SOX5: variants seen among roughly 807,000 people sequenced by gnomAD.
SOX5 encodes transcription factor SOX-5.
Under a neutral mutation model 92.0 loss-of-function variants are expected in SOX5, and 9 were observed. The ratio of observed to expected loss-of-function variants is 0.10; its 90% confidence interval spans 0.06 to 0.17. The LOEUF (loss-of-function observed/expected upper bound fraction) is 0.17. SOX5 is among the 10% of genes least tolerant of loss of function. The pLI, the probability that SOX5 is intolerant of heterozygous loss-of-function variation, is 1.00. For synonymous variants in SOX5, 344 were observed against 336.3 expected (o/e 1.02, Z -0.25); for missense variants, 642 against 944.5 (o/e 0.68, Z 4.20).
intron 6 of SOX5, among the ~76,000 whole-genome samples, chr12:23,723,576 A>G (rs1470503474): frequency 6.7e-6 from 1 of 149,550 alleles, no homozygotes. Context: ...TTATATATAT[A>G]TATATACACA....
rs116087848 is a variant in SOX5, at chr12:23,719,679, C to A, written c.810+15005G>T. 3.6e-3 allele frequency among the ~76,000 whole-genome samples: 544 copies of A among 150,918 alleles called. 5 individuals carry two copies. The highest frequency in any genetic ancestry group is 0.013 in the African/African-American group (529 of 41,116). ...GGCTGAGGTGGGACAATTGCTTGAG[C>A]CCTGAGCCCCTGCCCAGTTTGAGGC... On this transcript the variant is annotated intron_variant, in intron 6 of 14. Transcript: ENST00000451604.
chr12:24,485,919 T>A (rs1483197007), intron 1 of SOX5, among the ~76,000 whole-genome samples: 1 of 152,276 alleles, frequency 6.6e-6, no homozygotes, highest in East Asian at 1.9e-4. Flanking sequence ...ATATAAAAGA[T>A]AAACTGCCAA....
chr12:23,786,861 T>C lies in SOX5; in HGVS notation c.482-31137A>G, dbSNP rs1468226524. Reference sequence around the variant, plus strand: ...AAACAAAAACTTAAAATTATGCAAATAATATCTATTAACATGTTTTTTTCT... The same window carrying C: ...AAACAAAAACTTAAAATTATGCAAACAATATCTATTAACATGTTTTTTTCT... On this transcript the variant is annotated intron_variant, in intron 3 of 14. Coordinates refer to ENST00000451604, the MANE Select transcript of SOX5 (RefSeq NM_006940.6). 5.5e-5 allele frequency among the ~76,000 whole-genome samples: 8 copies of C among 145,912 alleles called. 1 individual carries two copies. Among genetic ancestry groups the C allele is most frequent in the Non-Finnish European group, 1.1e-4 (7 of 65,620 alleles).
intron 6 of SOX5, among the ~76,000 whole-genome samples, chr12:23,717,910 T>C (rs529213998): frequency 1.9e-4 from 29 of 152,352 alleles, no homozygotes; most frequent in African/African-American, 5.8e-4. Flanking sequence ...AAACTTTTCA[T>C]GTATTTTCTT....
chr12:24,021,103 TACTC>T (rs1954232259), intron 4 of SOX5, among the ~76,000 whole-genome samples: 2 of 152,298 alleles, frequency 1.3e-5, no homozygotes, highest in Admixed American at 6.5e-5. Flanking sequence ...AAGGTTTTCT[TACTC>T]CAGTACATCT....
At chr12:24,079,482 T>A (rs1331866968) in intron 4 of SOX5, among the ~76,000 whole-genome samples, 1 of 152,008 alleles carries the variant, frequency 6.6e-6, no homozygotes, top group Non-Finnish European at 1.5e-5. Context: ...ATTTCCTAAA[T>A]TAAGGGGGAT....
intron 3 of SOX5, among the ~76,000 whole-genome samples, chr12:24,222,726 C>A (rs918355752): frequency 1.2e-4 from 18 of 152,106 alleles, no homozygotes; most frequent in African/African-American, 3.9e-4. Context: ...TAAATGATTA[C>A]TGATAACTAG....
At chr12:24,162,732 C>A (rs187969096) in intron 4 of SOX5, among the ~76,000 whole-genome samples, 3 of 152,134 alleles carry the variant, frequency 2.0e-5, no homozygotes, top group Non-Finnish European at 2.9e-5. Flanking sequence ...CCTTTTTTTA[C>A]TCCCCTTTTC....
chr12:23,541,724 A>C (rs1223125068), intron 13 of SOX5, among the ~76,000 whole-genome samples: 9 of 152,178 alleles, frequency 5.9e-5, no homozygotes, highest in Non-Finnish European at 1.5e-5. Flanking sequence ...AATGAGACAC[A>C]ATTTTAAGTG....
chr12:24,182,586 T>G (rs1370255125), intron 4 of SOX5, among the ~76,000 whole-genome samples: 1 of 151,928 alleles, frequency 6.6e-6, no homozygotes, highest in East Asian at 1.9e-4. Flanking sequence ...TTTTTCCTTC[T>G]CACCTACAGG....
chr12:24,300,934 A>G (rs1334927238), intron 2 of SOX5, among the ~76,000 whole-genome samples: 1 of 151,548 alleles, frequency 6.6e-6, no homozygotes, highest in East Asian at 1.9e-4. Context: ...TATGTCTTTC[A>G]AATGATCCTT....
chr12:23,680,543 C>A (rs1215792119), intron 6 of SOX5, among the ~76,000 whole-genome samples: 7 of 151,162 alleles, frequency 4.6e-5, no homozygotes, highest in Non-Finnish European at 1.0e-4. Context: ...AATGCTTGGT[C>A]AAAAATTTTA....
intron 4 of SOX5, among the ~76,000 whole-genome samples, chr12:24,003,079 G>A (rs534125298): frequency 1.3e-5 from 2 of 152,076 alleles, no homozygotes; most frequent in South Asian, 2.1e-4. Flanking sequence ...CACAATGAAG[G>A]CAGAAAAATT....
chr12:24,178,244 C>CTTTTTTTT (rs5797065), intron 4 of SOX5, among the ~76,000 whole-genome samples: 1 of 109,574 alleles, frequency 9.1e-6, no homozygotes. Flanking sequence ...AAGAGCTTGA[C>CTTTTTTTT]TTTTTTTTTT....
intron 6 of SOX5, among the ~76,000 whole-genome samples, chr12:23,712,293 T>G (rs1325406925): frequency 6.6e-6 from 1 of 152,198 alleles, no homozygotes; most frequent in Admixed American, 6.5e-5. Context: ...GTCTAGAGTA[T>G]GGTGGTAGTA....
intron 1 of SOX5, among the ~76,000 whole-genome samples, chr12:23,936,978 G>A (rs1350554131): frequency 6.6e-6 from 1 of 150,744 alleles, no homozygotes; most frequent in Non-Finnish European, 1.5e-5. Context: ...TTAGAAAGGA[G>A]CACAAATAGA....
chr12:24,493,189 C>A (rs2138000419), intron 1 of SOX5, among the ~76,000 whole-genome samples: 1 of 152,130 alleles, frequency 6.6e-6, no homozygotes, highest in Middle Eastern at 3.4e-3. Flanking sequence ...GGTGGGAGAT[C>A]AAAAGTCTCT....
At chr12:23,647,746 T>A (rs1242300048) in intron 7 of SOX5, among the ~76,000 whole-genome samples, 1 of 152,188 alleles carries the variant, frequency 6.6e-6, no homozygotes, top group African/African-American at 2.4e-5. Context: ...CTTTCTCATC[T>A]CTCTCAGCCT....
At chr12:24,445,387 G>A (rs142572552) in intron 1 of SOX5, among the ~76,000 whole-genome samples, 3 of 152,082 alleles carry the variant, frequency 2.0e-5, no homozygotes, top group Non-Finnish European at 4.4e-5. Flanking sequence ...AAAAGGGAAA[G>A]GATAAATTTC....
Sources: allele counts gnomAD v4.1 joint callset (sites outside exome capture counted in the v4.1 genomes callset), GRCh38; gene constraint gnomAD v4.1.1; transcripts MANE v1.5; gene names NCBI Gene and HGNC (gene_info 2026-07-23, HGNC 2026-07-21).